GUCY1A2: variants seen among roughly 807,000 people sequenced by gnomAD.
The protein encoded by GUCY1A2 is guanylate cyclase soluble subunit alpha-2.
In GUCY1A2, 27 loss-of-function variants were observed where a neutral mutation model predicts 63.5. The observed-to-expected ratio is 0.43, with a 90% CI of 0.31 to 0.59. GUCY1A2 has a LOEUF of 0.59. Among genes scored for constraint, GUCY1A2 ranks in the 20% least tolerant of loss-of-function variants. The pLI is 0.11. For synonymous variants in GUCY1A2, 364 were observed against 343.5 expected (o/e 1.06, Z -0.66); for missense variants, 768 against 913.3 (o/e 0.84, Z 2.05).
At chr11:106,689,600 C>T (rs897781222) in intron 7 of GUCY1A2, among the ~76,000 whole-genome samples, 11 of 151,970 alleles carry the variant, frequency 7.2e-5, no homozygotes, top group African/African-American at 1.2e-4. Flanking sequence ...GAAGCCAACA[C>T]GTATATGAAA....
At chr11:106,773,856 G>T in intron 6 of GUCY1A2, among the ~76,000 whole-genome samples, 1 of 152,068 alleles carries the variant, frequency 6.6e-6, no homozygotes, top group East Asian at 1.9e-4. Context: ...TAACAGGAAG[G>T]TTTTAATTTT....
At chr11:106,701,235 T>A (rs1009290678) in intron 7 of GUCY1A2, among the ~76,000 whole-genome samples, 1 of 152,152 alleles carries the variant, frequency 6.6e-6, no homozygotes, top group African/African-American at 2.4e-5. Context: ...CAGACAATTT[T>A]TTTTTTCACT....
chr11:106,838,785 G>T (rs11825629), intron 4 of GUCY1A2, among the ~76,000 whole-genome samples: 51,601 of 151,776 alleles, frequency 0.34, 9,325 homozygotes, highest in African/African-American at 0.48. Flanking sequence ...TTTTTTTTGA[G>T]AAGTGTCTGT....
intron 6 of GUCY1A2, among the ~76,000 whole-genome samples, chr11:106,752,467 A>C (rs1368442664): frequency 6.6e-6 from 1 of 152,064 alleles, no homozygotes; most frequent in Admixed American, 6.6e-5. Context: ...TGCACCCATC[A>C]ACTTATTTAC....
intron 3 of GUCY1A2, among the ~76,000 whole-genome samples, chr11:106,957,751 G>T (rs1255621152): frequency 6.6e-6 from 1 of 151,346 alleles, no homozygotes; most frequent in Admixed American, 6.6e-5. Context: ...CAAAAAAAAT[G>T]GTCACTTTTT....
chr11:106,720,837 T>C (rs1238007967), intron 6 of GUCY1A2, among the ~76,000 whole-genome samples: 3 of 152,052 alleles, frequency 2.0e-5, no homozygotes, highest in Non-Finnish European at 2.9e-5. Flanking sequence ...ATTAAGAAAA[T>C]ATGAATAAAT....
rs34601463 is a variant in GUCY1A2, at chr11:106,675,269, CT to C, written c.*12279del. Reference sequence around the variant, plus strand: ...TTCGAAGGCAAAATTCTCAGGAGGACTTTTTTTTTTTTTTTTTAAATAAAGA... The same window carrying C: ...TTCGAAGGCAAAATTCTCAGGAGGACTTTTTTTTTTTTTTTTAAATAAAGA... On this transcript the variant is annotated 3_prime_UTR_variant, in exon 8 of 8. Transcript: ENST00000526355. The C allele has an allele frequency of 0.17, 27,966 of 163,804 alleles. 976 individuals are homozygous for C. The highest frequency in any genetic ancestry group is 0.26 in the East Asian group (2,696 of 10,308). 10.1% of individuals were successfully genotyped at this position (163,804 alleles called of 1,614,324 possible).
intron 5 of GUCY1A2, among the ~76,000 whole-genome samples, chr11:106,777,473 A>G (rs1232067976): frequency 6.6e-6 from 1 of 150,782 alleles, no homozygotes; most frequent in Non-Finnish European, 1.5e-5. Flanking sequence ...AAAGTGGCAC[A>G]TATACACCAT....
intron 4 of GUCY1A2, among the ~76,000 whole-genome samples, chr11:106,893,967 C>T (rs1160623293): frequency 5.3e-5 from 8 of 152,118 alleles, no homozygotes; most frequent in Non-Finnish European, 1.2e-4. Context: ...ATGATTCCCA[C>T]AAGGGAAGGG....
rs1380115824 is a variant in GUCY1A2, at chr11:106,846,422, GA to G, written c.1207-35945del. ...AACTTTTTAAAATCCAAAGTTGGTG[GA>G]AAAAAATCTAGATTTTAGACTAAAG... is the stretch of plus-strand genomic sequence containing the variant. On this transcript the variant is annotated intron_variant, in intron 4 of 7. Coordinates refer to ENST00000526355, the MANE Select transcript of GUCY1A2 (RefSeq NM_000855.3). Among the ~76,000 whole-genome samples the G allele has an allele frequency of 2.6e-5, 4 of 151,588 alleles. No individual in the cohort carries two copies. The South Asian group carries it at 6.2e-4, about 24-fold the overall frequency.
chr11:106,799,345 C>G (rs10890591), intron 5 of GUCY1A2, among the ~76,000 whole-genome samples: 40,735 of 151,956 alleles, frequency 0.27, 5,754 homozygotes, highest in Admixed American at 0.35. Context: ...AGATTCAATG[C>G]CATCCCCATC....
chr11:106,907,301 T>G (rs1191665611), intron 4 of GUCY1A2, among the ~76,000 whole-genome samples: 1 of 152,096 alleles, frequency 6.6e-6, no homozygotes, highest in Non-Finnish European at 1.5e-5. Context: ...CCAAATACAT[T>G]CATTGTATTA....
chr11:106,879,519 T>C (rs1859795710), intron 4 of GUCY1A2, among the ~76,000 whole-genome samples: 1 of 152,080 alleles, frequency 6.6e-6, no homozygotes, highest in Non-Finnish European at 1.5e-5. Context: ...CTTTAATATG[T>C]CCATGTTTGA....
chr11:106,716,099 G>C (rs983459851), intron 6 of GUCY1A2, among the ~76,000 whole-genome samples: 1 of 152,156 alleles, frequency 6.6e-6, no homozygotes, highest in Non-Finnish European at 1.5e-5. Context: ...TGAAAATAAT[G>C]TTCAAAGATC....
At chr11:106,982,345 T>C (rs1164274448) in intron 2 of GUCY1A2, among the ~76,000 whole-genome samples, 2 of 152,188 alleles carry the variant, frequency 1.3e-5, no homozygotes, top group Admixed American at 1.3e-4. Context: ...TACTGACTTC[T>C]TCTGCTCCTC....
At chr11:106,830,324 G>A (rs1347439115) in intron 4 of GUCY1A2, among the ~76,000 whole-genome samples, 2 of 152,192 alleles carry the variant, frequency 1.3e-5, no homozygotes, top group Admixed American at 1.3e-4. Flanking sequence ...TTCAGGAGAT[G>A]TGTATGGGTT....
intron 3 of GUCY1A2, among the ~76,000 whole-genome samples, chr11:106,956,774 A>T (rs117943445): frequency 0.012 from 1,818 of 152,192 alleles, 24 homozygotes; most frequent in South Asian, 0.047. Context: ...TGGCACAGGG[A>T]GCAGGACCCA....
chr11:106,706,249 A>G (rs569233417), intron 7 of GUCY1A2, among the ~76,000 whole-genome samples: 1 of 152,316 alleles, frequency 6.6e-6, no homozygotes, highest in African/African-American at 2.4e-5. Flanking sequence ...GGGATAAAAT[A>G]GAGATTTCAA....
chr11:106,835,908 A>G (rs1027062062), intron 4 of GUCY1A2, among the ~76,000 whole-genome samples: 3 of 151,928 alleles, frequency 2.0e-5, no homozygotes, highest in African/African-American at 7.2e-5. Flanking sequence ...ACCTAAGATT[A>G]AAAAAATAGG....
Sources: allele counts gnomAD v4.1 joint callset (sites outside exome capture counted in the v4.1 genomes callset), GRCh38; gene constraint gnomAD v4.1.1; transcripts MANE v1.5; gene names NCBI Gene and HGNC (gene_info 2026-07-23, HGNC 2026-07-21).